GSE1: variants seen among roughly 807,000 people sequenced by gnomAD.
The protein encoded by GSE1 is genetic suppressor element 1.
Under a neutral mutation model 112.6 loss-of-function variants are expected in GSE1, and 32 were observed. That is an observed-to-expected ratio of 0.28 (90% CI 0.21 to 0.38). GSE1 has a LOEUF of 0.38. Ranked by LOEUF, GSE1 falls within the 10% of genes least tolerant of loss-of-function variation. The probability of loss-of-function intolerance (pLI) is 1.00; values close to 1 mark genes in which losing one functional copy is unlikely to be tolerated. For synonymous variants in GSE1, 1,115 were observed against 735.6 expected (o/e 1.52, Z -8.35); for missense variants, 2,348 against 1,699.2 (o/e 1.38, Z -6.71).
chr16:85,479,187 A>C (rs1218416670), intron 2 of GSE1, among the ~76,000 whole-genome samples: 1 of 54,454 alleles, frequency 1.8e-5, no homozygotes, highest in Admixed American at 1.8e-4. Flanking sequence ...ATGCCCGGCT[A>C]ATTTTTTTTT....
chr16:85,482,361 C>G (rs1229457450), intron 2 of GSE1, among the ~76,000 whole-genome samples: 2 of 152,204 alleles, frequency 1.3e-5, no homozygotes, highest in African/African-American at 4.8e-5. Context: ...AGCTGCCCTG[C>G]AAGGGGATTA....
chr16:85,630,752 C>A (rs569303137), intron 1 of GSE1, among the ~76,000 whole-genome samples: 1 of 152,278 alleles, frequency 6.6e-6, no homozygotes, highest in Non-Finnish European at 1.5e-5. Flanking sequence ...CAGTGGGGGC[C>A]CAGGAAGCCG....
intron 1 of GSE1, among the ~76,000 whole-genome samples, chr16:85,222,312 G>A (rs1597834151): frequency 6.6e-6 from 1 of 152,202 alleles, no homozygotes; most frequent in Admixed American, 6.5e-5. Flanking sequence ...TGGGGCCAGC[G>A]CACGGCTCTC....
intron 2 of GSE1, among the ~76,000 whole-genome samples, chr16:85,435,381 C>T (rs1209354885): frequency 6.6e-5 from 10 of 151,354 alleles, no homozygotes; most frequent in East Asian, 1.9e-4. Context: ...CCAGGGGGCC[C>T]GGCCTGGGTC....
intron 1 of GSE1, among the ~76,000 whole-genome samples, chr16:85,265,791 G>A (rs1420595227): frequency 6.6e-6 from 1 of 152,160 alleles, no homozygotes; most frequent in Admixed American, 6.5e-5. Flanking sequence ...CATCGCCGGG[G>A]TCCAGGCTTG....
intron 2 of GSE1, among the ~76,000 whole-genome samples, chr16:85,543,600 G>T (rs1380301906): frequency 6.6e-6 from 1 of 152,134 alleles, no homozygotes; most frequent in Non-Finnish European, 1.5e-5. Flanking sequence ...GGAACCATTG[G>T]TTCTAAGCAG....
In GSE1 at chr16:85,545,611, T is replaced by C. The variant is rs571337746; in HGVS notation, c.2465-88303T>C. ...CTTCACTTTTCTAGGGCTTTTCAGT[T>C]TCCTCATCTGAAAAATGGAGATAAT... On this transcript the variant is annotated intron_variant, in intron 2 of 2. Coordinates refer to the GSE1 transcript ENST00000637419. 9.8e-5 allele frequency among the ~76,000 whole-genome samples: 15 copies of C among 152,308 alleles called. No homozygotes were observed. The South Asian group carries it at 3.1e-3, about 32-fold the overall frequency.
intron 1 of GSE1, among the ~76,000 whole-genome samples, chr16:85,287,536 C>T (rs1483415104): frequency 6.6e-6 from 1 of 152,174 alleles, no homozygotes; most frequent in Non-Finnish European, 1.5e-5. Flanking sequence ...AGCCACGCCG[C>T]TGCCTCAGGG....
At chr16:85,228,646 C>T (rs1199242374) in intron 1 of GSE1, among the ~76,000 whole-genome samples, 3 of 152,162 alleles carry the variant, frequency 2.0e-5, no homozygotes, top group Non-Finnish European at 4.4e-5. Context: ...TAACGGGTGC[C>T]GTTTTCCAGG....
chr16:85,562,033 G>A (rs549740041), intron 1 of GSE1, among the ~76,000 whole-genome samples: 144 of 152,350 alleles, frequency 9.5e-4, no homozygotes, highest in African/African-American at 3.2e-3. Flanking sequence ...GTCATGGGAC[G>A]TTAGCAAACC....
intron 2 of GSE1, among the ~76,000 whole-genome samples, chr16:85,635,634 T>C (rs1043557210): frequency 6.6e-6 from 1 of 152,182 alleles, no homozygotes; most frequent in Non-Finnish European, 1.5e-5. Flanking sequence ...CTCCTGCTGC[T>C]GCAGTTGTCT....
At chr16:85,235,766 G>T (rs1904569866) in intron 1 of GSE1, among the ~76,000 whole-genome samples, 2 of 151,978 alleles carry the variant, frequency 1.3e-5, no homozygotes. Context: ...CCCAGGAAGC[G>T]TGGCGGGTGC....
intron 2 of GSE1, among the ~76,000 whole-genome samples, chr16:85,478,897 TTC>T (rs367939072): frequency 0.026 from 2,126 of 83,116 alleles, 110 homozygotes; most frequent in South Asian, 0.031. Flanking sequence ...CTTTCTTTCT[TTC>T]TTTCTTTCTT....
At chr16:85,399,828 T>A (rs751146576) in intron 2 of GSE1, among the ~76,000 whole-genome samples, 8 of 152,350 alleles carry the variant, frequency 5.3e-5, no homozygotes, top group Non-Finnish European at 8.8e-5. Flanking sequence ...GTGGTGAGTG[T>A]TCCGTGAGTG....
At chr16:85,609,251 C>CA (rs1555544591), upstream of GSE1, among the ~76,000 whole-genome samples, 1 of 151,948 alleles carries the variant, frequency 6.6e-6, no homozygotes, top group Non-Finnish European at 1.5e-5. Flanking sequence ...TAAAAACAAC[C>CA]AAAAAAAGAC....
At position 85,668,240 on chromosome 16, in the gene GSE1, C is replaced by T; in HGVS notation, c.3231C>T (p.Pro1077=). The T allele has an allele frequency of 6.2e-7, 1 of 1,611,294 alleles. No homozygotes were observed. The part of the protein sequence containing the change: ...ELQSSSRAPP[P]QHNGQQEPPT... ...AGTCCTCCAGCCGCGCCCCTCCACC[C>T]CAGCACAATGGGCAGCAGGAGCCCC... Residue 1077 remains proline, a synonymous_variant, in exon 14 of 16, where the codon CCC becomes CCT. Coordinates refer to ENST00000253458, the MANE Select transcript of GSE1 (RefSeq NM_014615.5).
chr16:85,541,362 C>T (rs1409133028), intron 2 of GSE1, among the ~76,000 whole-genome samples: 4 of 152,356 alleles, frequency 2.6e-5, no homozygotes, highest in Non-Finnish European at 5.9e-5. Flanking sequence ...TGTGCCCTGC[C>T]AGAGGCGGAG....
intron 2 of GSE1, among the ~76,000 whole-genome samples, chr16:85,460,067 G>A (rs977418000): frequency 2.0e-5 from 3 of 152,162 alleles, no homozygotes; most frequent in East Asian, 1.9e-4. Flanking sequence ...TTCACCCAGC[G>A]CCTGGCCTCC....
At chr16:85,349,441 G>T (rs1452295932) in intron 1 of GSE1, among the ~76,000 whole-genome samples, 2 of 152,186 alleles carry the variant, frequency 1.3e-5, no homozygotes, top group African/African-American at 4.8e-5. Flanking sequence ...AGCGGGAGAA[G>T]AGGGCTCCCG....
Sources: allele counts gnomAD v4.1 joint callset (sites outside exome capture counted in the v4.1 genomes callset), GRCh38; gene constraint gnomAD v4.1.1; transcripts MANE v1.5; gene names NCBI Gene and HGNC (gene_info 2026-07-23, HGNC 2026-07-21).